The following ITGA10 variants were observed in gnomAD, a reference collection of about 807,000 sequenced individuals.
The protein encoded by ITGA10 is integrin subunit alpha 10.
Under a neutral mutation model 145.2 loss-of-function variants are expected in ITGA10, and 105 were observed. The ratio of observed to expected loss-of-function variants is 0.72; its 90% confidence interval spans 0.62 to 0.85. The LOEUF (loss-of-function observed/expected upper bound fraction) is 0.85. Among genes scored for constraint, ITGA10 ranks in the 40% least tolerant of loss-of-function variants. The probability of loss-of-function intolerance (pLI) is 0.00; values close to 1 mark genes in which losing one functional copy is unlikely to be tolerated. For synonymous variants in ITGA10, 506 were observed against 557.8 expected (o/e 0.91, Z 1.31); for missense variants, 1,317 against 1,444.5 (o/e 0.91, Z 1.43).
intron 8 of ITGA10, 55 bp from the exon 9 acceptor site, chr1:145,902,674 C>T: frequency 6.5e-7 from 1 of 1,543,804 alleles, no homozygotes; most frequent in East Asian, 2.2e-5. Flanking sequence ...AGAACACAGC[C>T]AACTAACATG....
At chr1:145,909,501 T>A (rs1559218104) in intron 1 of ITGA10, among the ~76,000 whole-genome samples, 1 of 133,302 alleles carries the variant, frequency 7.5e-6, no homozygotes, top group East Asian at 2.0e-4. Context: ...AATATATAAT[T>A]ATGTTATATA....
rs1241281149 is a variant in ITGA10, at chr1:145,902,491, A to G, written c.1038T>C (p.Ile346=). The change falls in exon 9 of 30, where the codon ATT becomes ATC. Residue 346 remains isoleucine (I), a synonymous_variant. Transcript: ENST00000369304. ...AAATCCGATCTCCTAGTGCATCCAC[A>G]ATGTCAGTCAGAGCAGCCTCATCTG... The part of the protein sequence containing the change: ...NVTDEAALTD[I]VDALGDRIFG... The G allele has an allele frequency of 6.2e-7, 1 of 1,613,142 alleles. No individual in the cohort carries two copies. The highest frequency in any genetic ancestry group is 8.5e-7 in the Non-Finnish European group (1 of 1,179,606).
At chr1:145,894,932 T>C (rs1364828310) in intron 27 of ITGA10, among the ~76,000 whole-genome samples, 1 of 152,086 alleles carries the variant, frequency 6.6e-6, no homozygotes, top group East Asian at 1.9e-4. Flanking sequence ...TAAATTTAGG[T>C]ATCCTGCAAA....
At chr1:145,902,702 G>A in intron 8 of ITGA10, 83 bp from the exon 9 acceptor site, 1 of 1,539,974 alleles carries the variant, frequency 6.5e-7, no homozygotes, top group Non-Finnish European at 8.7e-7. Context: ...TGAAGTCTGG[G>A]AAGTAGTTAA....
intron 15 of ITGA10, among the ~76,000 whole-genome samples, chr1:145,899,592 T>A (rs911423829): frequency 4.6e-5 from 7 of 151,918 alleles, no homozygotes; most frequent in Admixed American, 6.6e-5. Context: ...CACTGCAACC[T>A]CTGCCTCCTG....
chr1:145,900,677 A>G (rs1227680212), intron 14 of ITGA10, 113 bp downstream of exon 14: 12 of 1,128,730 alleles, frequency 1.1e-5, no homozygotes, highest in Admixed American at 8.6e-5. Flanking sequence ...GCCTACTAAT[A>G]AAAGCACTTG....
chr1:145,903,619 A>G lies in ITGA10; in HGVS notation c.758+433T>C, dbSNP rs587593649. On this transcript the variant is annotated intron_variant, in intron 7 of 29. Transcript: ENST00000369304. ...AGACATCTTGGGATATACACACTGCACTCCAAACCTGCCCTAACTCTTCTT... is the reference window on the plus strand; with the variant it reads ...AGACATCTTGGGATATACACACTGCGCTCCAAACCTGCCCTAACTCTTCTT... 5.3e-5 allele frequency among the ~76,000 whole-genome samples: 8 copies of G among 150,626 alleles called. No individual in the cohort carries two copies. The South Asian group carries it at 1.5e-3, about 28-fold the overall frequency.
Position 145,907,432 on chromosome 1 carries a change from T to C in ITGA10, c.86A>G (p.His29Arg). 1 of 1,614,096 alleles carries C rather than the reference T, an allele frequency of 6.2e-7. No individual in the cohort carries two copies. Among genetic ancestry groups the C allele is most frequent in the Admixed American group, 1.7e-5 (1 of 60,002 alleles). Reference protein sequence around the residue: ...LCSPFNLDEHHPRLFPGPPEA... With the variant: ...LCSPFNLDEHRPRLFPGPPEA... ...TGGTGGCCCTGGGAATAGGCGTGGG[T>C]GATGTTCATCCAGGTTAAAGGGGGA... The change falls in exon 2 of 30, where the codon CAC becomes CGC. Residue 29 changes from histidine to arginine, a missense_variant. Coordinates refer to ENST00000369304, the MANE Select transcript of ITGA10 (RefSeq NM_003637.5).
At chr1:145,909,507 ATATAT>A (rs587638637) in intron 1 of ITGA10, among the ~76,000 whole-genome samples, 7 of 134,076 alleles carry the variant, frequency 5.2e-5, no homozygotes, top group African/African-American at 1.2e-4. Flanking sequence ...TAATTATGTT[ATATAT>A]TATATGTATA....
At chr1:145,909,675 T>C (rs1553752632) in intron 1 of ITGA10, among the ~76,000 whole-genome samples, 1 of 121,854 alleles carries the variant, frequency 8.2e-6, no homozygotes, top group East Asian at 2.1e-4. Flanking sequence ...ATATATTATA[T>C]GTATATTATA....
rs148274737 is a variant in ITGA10 at position 145,901,990 on chromosome 1, T to C, written c.1181A>G (p.Tyr394Cys). Residue 394 changes from tyrosine to cysteine, a missense_variant, in exon 11 of 30, where the codon TAT (tyrosine) becomes TGT (cysteine). Transcript: ENST00000369304. The surrounding 1 kb of genome is among the most constrained non-coding windows in gnomAD (Gnocchi z 4.3). ...DGILFGMVGA[Y>C]DWGGSVLWLE... ...CCATAGCACAGAGCCTCCCCAGTCATAGGCCCCCACCATCCCAAAAAGAAT... is the reference window on the plus strand; with the variant it reads ...CCATAGCACAGAGCCTCCCCAGTCACAGGCCCCCACCATCCCAAAAAGAAT... 9 of 1,613,962 alleles carry C rather than the reference T, an allele frequency of 5.6e-6. No homozygotes were observed. Among genetic ancestry groups the C allele is most frequent in the East Asian group, 4.5e-5 (2 of 44,870 alleles).
rs34766827 is a variant in ITGA10, at chr1:145,903,002, GACACACAC to G, written c.759-49_759-42del. The G allele has an allele frequency of 1.2e-4, 136 of 1,097,584 alleles. 1 individual carries two copies. The South Asian group carries it at 2.3e-3, about 18-fold the overall frequency. The allele number at this position is 1,097,584 out of a possible 1,614,324, so 68.0% of individuals were successfully genotyped here. ...AGTGAGGTGAGATCAGATGTATGCA[GACACACAC>G]ACACACACACACATACACACACACA... On this transcript the variant is annotated intron_variant, in intron 7 of 29. Transcript: ENST00000369304.
chr1:145,896,480 A>G (rs587711798), intron 23 of ITGA10, 128 bp from the exon 24 acceptor site: 5 of 759,232 alleles, frequency 6.6e-6, no homozygotes, highest in African/African-American at 3.4e-5. Flanking sequence ...GTGGGGGTAC[A>G]TGGAGAAGAC....
chr1:145,896,129 G>T, intron 24 of ITGA10, 33 bp from the exon 25 acceptor site: 2 of 1,569,980 alleles, frequency 1.3e-6, no homozygotes, highest in South Asian at 2.2e-5. Flanking sequence ...GAAGAAGTGG[G>T]AGACAGAAGA....
chr1:145,897,875 G>A lies in ITGA10; in HGVS notation c.2372C>T (p.Pro791Leu). The A allele has an allele frequency of 6.2e-7, 1 of 1,614,086 alleles. No individual in the cohort carries two copies. The highest frequency in any genetic ancestry group is 8.5e-7 in the Non-Finnish European group (1 of 1,179,932). The stretch of plus-strand genomic sequence containing the variant: ...CAGGTCTGTGACACATTCATTGTCA[G>A]GGCCACAATCCTTTGAGAAGGGGAC... ...KLVPFSKDCG[P>L]DNECVTDLVL... The change falls in exon 19 of 30, where the codon CCT becomes CTT. Residue 791 changes from proline to leucine, a missense_variant. Transcript: ENST00000369304.
At chr1:145,898,722 A>G (rs1422763120) in intron 17 of ITGA10, among the ~76,000 whole-genome samples, 1 of 152,184 alleles carries the variant, frequency 6.6e-6, no homozygotes, top group Non-Finnish European at 1.5e-5. Context: ...ACCCCTTTGC[A>G]GACAAGAAAA....
At position 145,902,609 on chromosome 1, in the gene ITGA10, T is replaced by C; in HGVS notation, c.920A>G (p.His307Arg). ...GGGATCTCGCTGCCGCCGGAGGTAG[T>C]GACCAAGGACCTAAGAGGTCATAAG... is the stretch of plus-strand genomic sequence containing the variant. ...VTRYGIAVLGHYLRRQRDPSS... is the reference protein window; with the variant it reads ...VTRYGIAVLGRYLRRQRDPSS... Residue 307 changes from histidine (H) to arginine (R), a missense_variant, in exon 9 of 30, where the codon CAC (histidine) becomes CGC (arginine). Coordinates refer to ENST00000369304, the MANE Select transcript of ITGA10 (RefSeq NM_003637.5). 1.9e-6 allele frequency: 3 copies of C among 1,604,338 alleles called. No individual in the cohort carries two copies. In the South Asian group the frequency reaches 3.4e-5, roughly 18 times the overall value.
In ITGA10 at chr1:145,899,255, C is replaced by T. The variant is rs1553746875; in HGVS notation, c.2009G>A (p.Gly670Asp). 2 of 1,614,218 alleles carry T rather than the reference C, an allele frequency of 1.2e-6. No individual in the cohort carries two copies. The highest frequency in any genetic ancestry group is 1.7e-6 in the Non-Finnish European group (2 of 1,180,040). Residue 670 changes from glycine to aspartate, a missense_variant, in exon 16 of 30, where the codon GGC (glycine) becomes GAC (aspartate). Gly to Asp is a moderately conservative substitution (Grantham distance 94). Coordinates refer to ENST00000369304, the MANE Select transcript of ITGA10 (RefSeq NM_003637.5). ...TGCAGTCAGACAGACTGCCTCTTGG[C>T]CTCGCCGCCTACAGTCCCTCTGAAC... Reference protein sequence around the residue: ...SVVQRDCRRRGQEAVCLTAAL... With the variant: ...SVVQRDCRRRDQEAVCLTAAL...
At chr1:145,904,247 G>A (rs1656794756) in intron 6 of ITGA10, 47 bp from the exon 7 acceptor site, 6 of 1,586,364 alleles carry the variant, frequency 3.8e-6, no homozygotes, top group African/African-American at 2.7e-5. Flanking sequence ...GTGAGATGGG[G>A]GGAGAGGAGG....
Sources: allele counts gnomAD v4.1 joint callset (sites outside exome capture counted in the v4.1 genomes callset), GRCh38; gene constraint gnomAD v4.1.1; non-coding constraint Gnocchi (gnomAD v3.1); transcripts MANE v1.5; gene names NCBI Gene and HGNC (gene_info 2026-07-23, HGNC 2026-07-21).